Variants in NCAPD3 observed in about 807,000 individuals in gnomAD.
NCAPD3 encodes the protein non-SMC condensin II complex subunit D3, also known as condensin-2 complex subunit D3.
NCAPD3 carries 105 observed loss-of-function variants against 182.9 expected under a neutral mutation model. The ratio of observed to expected loss-of-function variants is 0.57; its 90% CI spans 0.49 to 0.68. NCAPD3 has a LOEUF of 0.68. Ranked by LOEUF, NCAPD3 falls within the 30% of genes least tolerant of loss-of-function variation. The probability of loss-of-function intolerance (pLI) is 0.00; values close to 1 mark genes in which losing one functional copy is unlikely to be tolerated. For missense variants in NCAPD3, 1,944 were observed against 1,837.0 expected, an observed-to-expected ratio of 1.06 and a Z score of -1.07; for synonymous variants, 815 against 679.9, an observed-to-expected ratio of 1.20 and a Z score of -3.09.
In NCAPD3 at chr11:134,168,925, C is replaced by A. The variant is rs138414402; in HGVS notation, c.3231G>T (p.Gln1077His). ...TTAGCTGCTTCACTGACCTCTCTGA[C>A]TGGGGGAACTTGTTGTACTTCTCAT... Reference protein sequence around the residue: ...EKHEKYNKFPQSEREKRLFSL... With the variant: ...EKHEKYNKFPHSEREKRLFSL... The change falls in exon 25 of 35, where the codon CAG becomes CAT. Residue 1077 changes from glutamine (Q) to histidine (H), a missense_variant. By Grantham distance (24) the Gln-to-His change is conservative. Coordinates refer to ENST00000534548, the MANE Select transcript of NCAPD3 (RefSeq NM_015261.3). 3 of 1,613,078 alleles carry A rather than the reference C, an allele frequency of 1.9e-6. No homozygotes were observed. Among genetic ancestry groups the A allele is most frequent in the Non-Finnish European group, 2.5e-6 (3 of 1,179,440 alleles).
intron 32 of NCAPD3, chr11:134,153,707 A>C: frequency 2.9e-6 from 1 of 344,400 alleles, no homozygotes; most frequent in Non-Finnish European, 5.5e-6. Flanking sequence ...ACTGTGGCTC[A>C]CCCAGATTCC....
rs1481324434 is a variant in NCAPD3, at chr11:134,210,457, A to G, written c.383-3T>C. ...GAATACTTGATTGGCTACACTGCCTATTCATGAGGAATAAAGAGTAAGCAA... is the reference window on the plus strand; with the variant it reads ...GAATACTTGATTGGCTACACTGCCTGTTCATGAGGAATAAAGAGTAAGCAA... On this transcript the variant is annotated splice_polypyrimidine_tract_variant and splice_region_variant and intron_variant, in intron 3 of 34. Transcript: ENST00000534548. 1.2e-6 allele frequency: 2 copies of G among 1,611,834 alleles called. No individual in the cohort carries two copies. Among genetic ancestry groups the G allele is most frequent in the South Asian group, 2.2e-5 (2 of 90,988 alleles).
intron 3 of NCAPD3, among the ~76,000 whole-genome samples, chr11:134,213,356 G>A (rs1323452194): frequency 1.3e-5 from 2 of 151,122 alleles, no homozygotes; most frequent in Non-Finnish European, 2.9e-5. Flanking sequence ...GAGTCTCACT[G>A]TCACCCAGGC....
chr11:134,160,427 A>C (rs1421617037), intron 28 of NCAPD3, among the ~76,000 whole-genome samples: 1 of 152,096 alleles, frequency 6.6e-6, no homozygotes, highest in African/African-American at 2.4e-5. Context: ...TTAATGGGCA[A>C]TCTCTCCCAG....
At chr11:134,217,190 A>C in intron 2 of NCAPD3, 92 bp from the exon 3 acceptor site, 2 of 1,232,756 alleles carry the variant, frequency 1.6e-6, no homozygotes, top group Non-Finnish European at 2.2e-6. Context: ...GGTGCCTTAC[A>C]AAAAGAGGAA....
intron 19 of NCAPD3, among the ~76,000 whole-genome samples, chr11:134,182,418 C>A (rs1454745132): frequency 6.6e-6 from 1 of 152,216 alleles, no homozygotes; most frequent in East Asian, 1.9e-4. Flanking sequence ...ATTCTTTTAT[C>A]TGAAAGTCCT....
intron 11 of NCAPD3, 44 bp from the exon 12 acceptor site, chr11:134,203,242 A>T: frequency 7.5e-7 from 1 of 1,337,822 alleles, no homozygotes; most frequent in Non-Finnish European, 1.1e-6. Flanking sequence ...TCAGTATCAT[A>T]AACTGAGTAA....
At chr11:134,198,006 C>T (rs1252490476) in intron 13 of NCAPD3, among the ~76,000 whole-genome samples, 1 of 152,180 alleles carries the variant, frequency 6.6e-6, no homozygotes, top group Non-Finnish European at 1.5e-5. Context: ...TTCTTTTCAA[C>T]ATCATTCCAC....
Position 134,168,221 on chromosome 11 carries a change from G to A in NCAPD3, c.3374-26C>T, listed in dbSNP as rs770899327. 15 of 1,600,438 alleles carry A rather than the reference G, an allele frequency of 9.4e-6. No homozygotes were observed. The East Asian group carries it at 1.3e-4, about 14-fold the overall frequency. ...CTGAGAGACAGAGAGAGAGAAAAAC[G>A]TGAGCTTCTGAGAAATGCTCTGGCC... On this transcript the variant is annotated intron_variant, in intron 26 of 34. Transcript: ENST00000534548.
intron 12 of NCAPD3, 50 bp downstream of exon 12, chr11:134,203,092 A>T (rs1471121258): frequency 7.0e-7 from 1 of 1,418,878 alleles, no homozygotes; most frequent in Admixed American, 1.9e-5. Context: ...ATATTCCACA[A>T]ATTTTTAAAA....
In NCAPD3 at chr11:134,157,939, G is replaced by A. The variant is rs116394634; in HGVS notation, c.4163C>T (p.Thr1388Met). The A allele has an allele frequency of 9.1e-4, 1,463 of 1,613,908 alleles. 6 individuals are homozygous for A. In the African/African-American group the frequency reaches 0.014, roughly 16 times the overall value. Residue 1388 changes from threonine (T) to methionine (M), a missense_variant, in exon 31 of 35, where the codon ACG (threonine) becomes ATG (methionine). This residue lies in a region of NCAPD3 where 1,803 missense variants were observed against 1,674.6 expected (regional missense o/e 1.08). Transcript: ENST00000534548. Reference sequence around the variant, plus strand: ...AACATAAGGCTTACCCTGACTGCACGTTTTTTCTGGGCTTCCAGAATTTAA... The same window carrying A: ...AACATAAGGCTTACCCTGACTGCACATTTTTTCTGGGCTTCCAGAATTTAA... ...FTLNSGSPEKTCSQVSSYSLE... is the reference protein window; with the variant it reads ...FTLNSGSPEKMCSQVSSYSLE...
At chr11:134,170,788 C>A (rs560277385) in intron 24 of NCAPD3, among the ~76,000 whole-genome samples, 1 of 152,218 alleles carries the variant, frequency 6.6e-6, no homozygotes, top group Non-Finnish European at 1.5e-5. Flanking sequence ...AGGATTCACA[C>A]GCTGAGGGCT....
At chr11:134,182,527 C>T (rs1458084984) in intron 19 of NCAPD3, among the ~76,000 whole-genome samples, 1 of 152,202 alleles carries the variant, frequency 6.6e-6, no homozygotes, top group East Asian at 1.9e-4. Flanking sequence ...ACATAACTTG[C>T]TTTGTGATAC....
At chr11:134,167,021 G>C (rs1344733326) in intron 27 of NCAPD3, among the ~76,000 whole-genome samples, 3 of 111,660 alleles carry the variant, frequency 2.7e-5, no homozygotes, top group Non-Finnish European at 5.2e-5. Flanking sequence ...ACACTCACTA[G>C]TGAGATGAGC....
chr11:134,169,410 T>C (rs994675621), intron 24 of NCAPD3, among the ~76,000 whole-genome samples: 3 of 152,238 alleles, frequency 2.0e-5, no homozygotes, highest in African/African-American at 7.2e-5. Flanking sequence ...ATAAGACTGA[T>C]GCAATGACAA....
chr11:134,160,024 G>T lies in NCAPD3; in HGVS notation c.3735C>A (p.Asp1245Glu). Reference protein sequence around the residue: ...RDELKDFFAVDKQLASELEYD... With the variant: ...RDELKDFFAVEKQLASELEYD... ...ACTCAAGCTCTGATGCCAGCTGTTTGTCAACTGCAAAGAAGTCCTTGAGCT... is the reference window on the plus strand; with the variant it reads ...ACTCAAGCTCTGATGCCAGCTGTTTTTCAACTGCAAAGAAGTCCTTGAGCT... Residue 1245 changes from aspartate to glutamate, a missense_variant, in exon 29 of 35, where the codon GAC becomes GAA. Asp to Glu is a conservative substitution (Grantham distance 45, BLOSUM62 2). Coordinates refer to ENST00000534548, the MANE Select transcript of NCAPD3 (RefSeq NM_015261.3). The T allele has an allele frequency of 1.2e-6, 2 of 1,614,116 alleles. No individual in the cohort carries two copies. The highest frequency in any genetic ancestry group is 1.7e-6 in the Non-Finnish European group (2 of 1,180,032).
intron 3 of NCAPD3, 115 bp from the exon 4 acceptor site, chr11:134,210,569 C>G (rs1937796015): frequency 5.5e-6 from 5 of 913,694 alleles, no homozygotes; most frequent in Non-Finnish European, 8.2e-6. Context: ...CTGTGAATAA[C>G]AATGAACCTG....
chr11:134,225,195 G>A (rs899357583), upstream of NCAPD3: 4 of 1,614,186 alleles, frequency 2.5e-6, no homozygotes, highest in Non-Finnish European at 3.4e-6. Flanking sequence ...TAGGAAGCGG[G>A]CCGAGCACAA....
At chr11:134,165,072 G>A (rs374084244) in intron 27 of NCAPD3, among the ~76,000 whole-genome samples, 12 of 143,330 alleles carry the variant, frequency 8.4e-5, no homozygotes, top group Admixed American at 1.4e-4. Context: ...GAGGGGGAGC[G>A]GCACACTCAC....
Sources: gnomAD v4.1 joint callset for allele counts (sites outside exome capture counted in the v4.1 genomes callset) on GRCh38, gnomAD v4.1.1 for gene constraint, gnomAD v4.1.1 regional missense constraint, MANE v1.5 for transcripts, NCBI Gene and HGNC (gene_info 2026-07-23, HGNC 2026-07-21) for gene names.